The following RNF13 variants were observed in gnomAD, a reference collection of about 807,000 sequenced individuals.
RNF13 encodes ring finger protein 13, also known as E3 ubiquitin-protein ligase RNF13.
Under a neutral mutation model 37.7 loss-of-function variants are expected in RNF13, and 19 were observed. The ratio of observed to expected loss-of-function variants is 0.50; its 90% CI spans 0.35 to 0.74. RNF13 has a LOEUF of 0.74. Among genes scored for constraint, RNF13 ranks in the 30% least tolerant of loss-of-function variants. RNF13 has a pLI of 0.01. For synonymous variants in RNF13, 144 were observed against 157.8 expected (o/e 0.91, Z 0.65); for missense variants, 375 against 453.0 (o/e 0.83, Z 1.56).
intron 8 of RNF13, among the ~76,000 whole-genome samples, chr3:149,937,369 G>A (rs1052289440): frequency 3.9e-5 from 6 of 152,100 alleles, no homozygotes; most frequent in African/African-American, 1.4e-4. Context: ...ATAACTTAAG[G>A]GAGGGGCATC....
At chr3:149,822,679 G>A (rs554501475) in intron 1 of RNF13, 11 of 151,992 alleles carry the variant, frequency 7.2e-5, no homozygotes, top group Non-Finnish European at 1.5e-4. Flanking sequence ...CTGGTATCAC[G>A]TTACATATAT....
intron 8 of RNF13, among the ~76,000 whole-genome samples, chr3:149,926,039 C>T (rs1232199030): frequency 6.6e-6 from 1 of 152,144 alleles, no homozygotes; most frequent in Non-Finnish European, 1.5e-5. Context: ...GCCCGTGTGT[C>T]TGTTTCATAT....
rs1423277980 is a variant in RNF13 at position 149,813,288 on chromosome 3, G to A, written c.-82G>A. ...GCGGATATTCAGTCATGAAATCAGG[G>A]TAGGGACTTCTCCCGCAGCGACGCG... On this transcript the variant is annotated 5_prime_UTR_variant, in exon 1 of 10. Transcript: ENST00000392894. 2.0e-5 allele frequency: 3 copies of A among 152,330 alleles called. No homozygotes were observed. The allele number at this position is 152,330 out of a possible 1,614,324, so 9.4% of individuals were successfully genotyped here. A position where few individuals can be genotyped will look rare whatever the true frequency, so the allele number is the denominator to read the frequency against.
intron 7 of RNF13, among the ~76,000 whole-genome samples, chr3:149,912,640 A>G (rs140187852): frequency 1.3e-5 from 2 of 152,284 alleles, no homozygotes; most frequent in African/African-American, 4.8e-5. Context: ...TATAGAATCC[A>G]GGTGGATATA....
rs201122925 is a variant in RNF13, at chr3:149,861,100, C to CA, written c.195+8513dup. Reference sequence around the variant, plus strand: ...GTTAGGCTGACTATCATTAAAATGACAAAAAAAAAGACAGATTTTGGCAAG... The same window carrying CA: ...GTTAGGCTGACTATCATTAAAATGACAAAAAAAAAAGACAGATTTTGGCAAG... On this transcript the variant is annotated intron_variant, in intron 3 of 9. Transcript: ENST00000392894. 1.6e-3 allele frequency among the ~76,000 whole-genome samples: 229 copies of CA among 146,532 alleles called. 3 individuals carry two copies. The East Asian group carries it at 0.033, about 21-fold the overall frequency.
rs756327118 is a variant in RNF13 at position 149,872,083 on chromosome 3, C to G, written c.250C>G (p.Pro84Ala). Residue 84 changes from proline (P) to alanine (A), a missense_variant, in exon 4 of 10, where the codon CCA becomes GCA. By Grantham distance (27) the Pro-to-Ala change is conservative (BLOSUM62 -1). Transcript: ENST00000392894. ...TGCCTGTGAACCCATAGTGCCTCCA[C>G]CAGTAAAAGACAATTCATCTGGCAC... is the stretch of plus-strand genomic sequence containing the variant. ...ENACEPIVPP[P>A]VKDNSSGTFI... is the part of the protein sequence containing the mutation. 1 of 1,606,454 alleles carries G rather than the reference C, an allele frequency of 6.2e-7. No homozygotes were observed. Among genetic ancestry groups the G allele is most frequent in the South Asian group, 1.1e-5 (1 of 90,022 alleles).
chr3:149,903,171 T>TTTTTAAGTTAAGGAATGTAA (rs1716024229), intron 6 of RNF13, among the ~76,000 whole-genome samples: 1 of 152,144 alleles, frequency 6.6e-6, no homozygotes, highest in Non-Finnish European at 1.5e-5. Context: ...CAGAACATTT[T>TTTTTAAGTTAAGGAATGTAA]TTTTAAGTTA....
At chr3:149,854,017 G>A (rs1466292532) in intron 3 of RNF13, among the ~76,000 whole-genome samples, 1 of 151,556 alleles carries the variant, frequency 6.6e-6, no homozygotes, top group Non-Finnish European at 1.5e-5. Context: ...GTATTTTTAT[G>A]TAGAGATGGG....
At chr3:149,959,603 G>T (rs1358244699) in intron 8 of RNF13, among the ~76,000 whole-genome samples, 1 of 152,196 alleles carries the variant, frequency 6.6e-6, no homozygotes, top group African/African-American at 2.4e-5. Context: ...ACAGAATTTG[G>T]TAAATGCTAG....
At chr3:149,853,033 T>C (rs183115739) in intron 3 of RNF13, among the ~76,000 whole-genome samples, 7 of 152,236 alleles carry the variant, frequency 4.6e-5, no homozygotes, top group Admixed American at 2.6e-4. Context: ...TTTTTCATGC[T>C]GATAGGTAAG....
At chr3:149,847,759 G>T (rs1722776331) in intron 2 of RNF13, among the ~76,000 whole-genome samples, 1 of 152,188 alleles carries the variant, frequency 6.6e-6, no homozygotes, top group Admixed American at 6.5e-5. Context: ...TTTATGGACT[G>T]ATCAGGGAAT....
At chr3:149,845,584 A>G (rs910486899) in intron 1 of RNF13, among the ~76,000 whole-genome samples, 1 of 152,246 alleles carries the variant, frequency 6.6e-6, no homozygotes, top group Non-Finnish European at 1.5e-5. Context: ...AAGTAAATTT[A>G]CATGTGAATT....
rs752045812 is a variant in RNF13, at chr3:149,849,982, A to AT, written c.115-2519dup. Among the ~76,000 whole-genome samples the AT allele has an allele frequency of 7.4e-3, 1,066 of 143,726 alleles. 8 individuals are homozygous for AT. The highest frequency in any genetic ancestry group is 0.018 in the African/African-American group (705 of 39,450). The allele number at this position is 143,726 out of a possible 152,430, so 94.3% of individuals were successfully genotyped here. A position where few individuals can be genotyped will look rare whatever the true frequency, so the allele number is the denominator to read the frequency against. ...GAGGAGTAACTATTTTCTACTTCAG[A>AT]TTTTTTTTTTTTTTTGAGATGGAGT... On this transcript the variant is annotated intron_variant, in intron 2 of 9. Coordinates refer to ENST00000392894, the MANE Select transcript of RNF13 (RefSeq NM_183381.3).
At chr3:149,894,162 T>G (rs977619657) in intron 4 of RNF13, among the ~76,000 whole-genome samples, 7 of 152,030 alleles carry the variant, frequency 4.6e-5, no homozygotes, top group Non-Finnish European at 8.8e-5. Context: ...ACAGATTTAG[T>G]TTTTTTTAGT....
intron 8 of RNF13, among the ~76,000 whole-genome samples, chr3:149,929,564 C>T (rs1718972533): frequency 6.6e-6 from 1 of 152,134 alleles, no homozygotes; most frequent in South Asian, 2.1e-4. Flanking sequence ...ATAGAACTTA[C>T]AGTACAATAT....
intron 7 of RNF13, among the ~76,000 whole-genome samples, chr3:149,919,379 C>T (rs1464033984): frequency 6.6e-6 from 1 of 152,156 alleles, no homozygotes; most frequent in African/African-American, 2.4e-5. Context: ...TCTACCCCTT[C>T]CAACTTTTCC....
Position 149,895,465 on chromosome 3 carries a change from C to G in RNF13, c.322-8C>G. 5.4e-5 allele frequency: 56 copies of G among 1,029,784 alleles called. No individual in the cohort carries two copies. The highest frequency in any genetic ancestry group is 6.2e-5 in the Non-Finnish European group (49 of 792,374). 63.8% of individuals were successfully genotyped at this position (1,029,784 alleles called of 1,614,324 possible). The stretch of plus-strand genomic sequence containing the variant: ...ACATAATTTTTTTTTTTTTTTTTTG[C>G]TTTGCAGGTTTTAAATGCACAGAGA... On this transcript the variant is annotated splice_region_variant and splice_polypyrimidine_tract_variant and intron_variant, in intron 4 of 9. Coordinates refer to ENST00000392894, the MANE Select transcript of RNF13 (RefSeq NM_183381.3).
intron 3 of RNF13, among the ~76,000 whole-genome samples, chr3:149,857,319 T>A (rs1341208182): frequency 6.6e-6 from 1 of 152,116 alleles, no homozygotes; most frequent in Non-Finnish European, 1.5e-5. Flanking sequence ...TATAAGAAAA[T>A]GAGAAAGCCA....
chr3:149,890,264 G>C (rs1012133651), intron 4 of RNF13, among the ~76,000 whole-genome samples: 9 of 152,164 alleles, frequency 5.9e-5, no homozygotes, highest in Non-Finnish European at 1.3e-4. Context: ...ATCATTACCA[G>C]ATTGTTCCAA....
Sources: allele counts gnomAD v4.1 joint callset (sites outside exome capture counted in the v4.1 genomes callset), GRCh38; gene constraint gnomAD v4.1.1; transcripts MANE v1.5; gene names NCBI Gene and HGNC (gene_info 2026-07-23, HGNC 2026-07-21).